The following ASB2 variants were observed in gnomAD, a reference collection of about 807,000 sequenced individuals.
ASB2 encodes the protein ankyrin repeat and SOCS box containing 2.
Under a neutral mutation model 62.4 loss-of-function variants are expected in ASB2, and 58 were observed. The observed-to-expected ratio is 0.93, with a 90% CI of 0.75 to 1.16. The LOEUF is 1.16. Among genes scored for constraint, ASB2 ranks in the 50% most tolerant of loss-of-function variants. The pLI is 0.00. For synonymous variants in ASB2, 386 were observed against 385.3 expected, an observed-to-expected ratio of 1.00 and a Z score of -0.02; for missense variants, 928 against 887.9, an observed-to-expected ratio of 1.05 and a Z score of -0.57.
intron 7 of ASB2, among the ~76,000 whole-genome samples, chr14:93,945,950 T>A (rs1449961611): frequency 6.6e-6 from 1 of 152,230 alleles, no homozygotes; most frequent in Non-Finnish European, 1.5e-5. Context: ...GTACATGAGA[T>A]GGGATTTTAA....
chr14:93,946,601 AC>A (rs1442994411), intron 7 of ASB2, among the ~76,000 whole-genome samples: 2 of 152,152 alleles, frequency 1.3e-5, no homozygotes, highest in African/African-American at 4.8e-5. Context: ...GCTCTAGCAC[AC>A]CTCTGCCTCT....
In ASB2 at chr14:93,944,200, T is replaced by G; in HGVS notation, c.1052+3149A>C. Reference sequence around the variant, plus strand: ...GTGCAGCCAAGGTTGGACACTACTGTTTTGGGTGCTATTCTTGGGGCATCT... The same window carrying G: ...GTGCAGCCAAGGTTGGACACTACTGGTTTGGGTGCTATTCTTGGGGCATCT... On this transcript the variant is annotated intron_variant, in intron 7 of 9. Coordinates refer to ENST00000555019, the MANE Select transcript of ASB2 (RefSeq NM_001202429.2). 3 of 336,706 alleles carry G rather than the reference T, an allele frequency of 8.9e-6. No homozygotes were observed. The East Asian group carries it at 2.3e-4, about 25-fold the overall frequency. The allele number at this position is 336,706 out of a possible 1,614,324, so 20.9% of individuals were successfully genotyped here.
intron 5 of ASB2, 134 bp downstream of exon 5, chr14:93,953,218 T>G: frequency 1.3e-6 from 1 of 753,076 alleles, no homozygotes. Flanking sequence ...GAATGAATGA[T>G]TCAGTTACAT....
In ASB2 at chr14:93,951,167, C is replaced by T. The variant is rs758888523; in HGVS notation, c.712G>A (p.Gly238Ser). ...NADTNHRCNR[G>S]WTALHESVSR... is the part of the protein sequence containing the mutation. ...ACAGACTCGTGCAGAGCGGTCCAGC[C>T]GCGGTTGCAGCGGTGGTTGGTGTCT... Residue 238 changes from glycine to serine, a missense_variant, in exon 6 of 10, where the codon GGC becomes AGC. Transcript: ENST00000555019. The T allele has an allele frequency of 4.3e-5, 70 of 1,613,884 alleles. No homozygotes were observed. The highest frequency in any genetic ancestry group is 5.5e-5 in the Non-Finnish European group (65 of 1,179,976).
chr14:93,938,958 G>A (rs988181311), intron 8 of ASB2, 150 bp downstream of exon 8: 1 of 698,084 alleles, frequency 1.4e-6, no homozygotes, highest in South Asian at 2.5e-5. Context: ...CTCCAAAGCT[G>A]GCCCCACTTC....
chr14:93,952,145 C>T (rs558487797), intron 5 of ASB2, among the ~76,000 whole-genome samples: 13 of 152,236 alleles, frequency 8.5e-5, no homozygotes, highest in African/African-American at 3.1e-4. Flanking sequence ...AAGCCTTCTA[C>T]CTCTCTAAGC....
At chr14:93,972,351 G>T (rs193105161) in intron 1 of ASB2, among the ~76,000 whole-genome samples, 33 of 152,248 alleles carry the variant, frequency 2.2e-4, no homozygotes, top group African/African-American at 7.7e-4. Context: ...TGGAGTGCTC[G>T]GAGGTGTAGG....
intron 5 of ASB2, among the ~76,000 whole-genome samples, chr14:93,952,157 T>C (rs1176513350): frequency 1.3e-5 from 2 of 152,244 alleles, no homozygotes; most frequent in African/African-American, 4.8e-5. Context: ...TCTCTAAGCC[T>C]TGACTTTCTC....
chr14:93,975,170 G>A (rs573819490), intron 1 of ASB2, among the ~76,000 whole-genome samples: 2 of 152,372 alleles, frequency 1.3e-5, no homozygotes, highest in South Asian at 2.1e-4. Flanking sequence ...CTCTGCCTGC[G>A]TCCCTCTGAG....
At chr14:93,964,642 C>T (rs555538623) in intron 1 of ASB2, 30 bp from the exon 2 acceptor site, 85 of 1,071,374 alleles carry the variant, frequency 7.9e-5, no homozygotes, top group African/African-American at 4.8e-4. Flanking sequence ...ATCCTGGTCA[C>T]GAACAGTTTT....
In ASB2 at chr14:93,965,758, G is replaced by A. The variant is rs1434062054; in HGVS notation, c.-73-1146C>T. On this transcript the variant is annotated intron_variant, in intron 1 of 9. Coordinates refer to ENST00000555019, the MANE Select transcript of ASB2 (RefSeq NM_001202429.2). ...GGCAGATCTTTCCCCACCCTTCCCT[G>A]TTGATATGGGTCTCAATATGCATGA... Among the ~76,000 whole-genome samples the A allele has an allele frequency of 3.3e-5, 5 of 152,198 alleles. No individual in the cohort carries two copies. In the East Asian group the frequency reaches 9.6e-4, roughly 29 times the overall value.
chr14:93,973,576 C>G (rs1889823115), intron 1 of ASB2, among the ~76,000 whole-genome samples: 1 of 152,222 alleles, frequency 6.6e-6, no homozygotes, highest in Non-Finnish European at 1.5e-5. Context: ...CCACAAAAGT[C>G]AAGCTTCCAG....
At chr14:93,943,650 AAAC>A (rs770947875) in intron 7 of ASB2, among the ~76,000 whole-genome samples, 8 of 152,102 alleles carry the variant, frequency 5.3e-5, no homozygotes, top group Non-Finnish European at 8.8e-5. Flanking sequence ...AAAAACAAAC[AAAC>A]AACAACAAAA....
intron 8 of ASB2, among the ~76,000 whole-genome samples, chr14:93,938,570 C>T (rs764729883): frequency 3.3e-5 from 5 of 152,150 alleles, no homozygotes; most frequent in Non-Finnish European, 5.9e-5. Flanking sequence ...ACAACATGGA[C>T]GTGTCCTGCC....
chr14:93,950,966 G>A (rs371341002), intron 6 of ASB2, 33 bp downstream of exon 6: 4 of 1,592,428 alleles, frequency 2.5e-6, no homozygotes, highest in Non-Finnish European at 3.4e-6. Flanking sequence ...GCCCTTTGGG[G>A]ACTCCATGAC....
chr14:93,939,637 G>T lies in ASB2; in HGVS notation c.1088C>A (p.Thr363Lys), dbSNP rs1365619654. 1.3e-6 allele frequency: 2 copies of T among 1,520,620 alleles called. No homozygotes were observed. Among genetic ancestry groups the T allele is most frequent in the Admixed American group, 2.1e-5 (1 of 48,304 alleles). 94.2% of individuals were successfully genotyped at this position (1,520,620 alleles called of 1,614,324 possible). ...ACTGACGCCGCTACGGCGTATGCGC[G>T]TGCGGCTGGTCACCGGCAGCAGCAT... ...VQMLLPVTSR[T>K]RIRRSGVSPL... Residue 363 changes from threonine (T) to lysine (K), a missense_variant, in exon 8 of 10, where the codon ACG becomes AAG. Physicochemically the swap from Thr to Lys is moderately conservative, Grantham distance 78 (BLOSUM62 -1). Coordinates refer to ENST00000555019, the MANE Select transcript of ASB2 (RefSeq NM_001202429.2).
At chr14:93,956,312 G>C (rs1433683791) in intron 3 of ASB2, among the ~76,000 whole-genome samples, 1 of 152,186 alleles carries the variant, frequency 6.6e-6, no homozygotes, top group Admixed American at 6.5e-5. Flanking sequence ...TGTGGGTGTG[G>C]GCATTTTGGA....
intron 1 of ASB2, among the ~76,000 whole-genome samples, chr14:93,974,650 A>T (rs1273214541): frequency 6.6e-6 from 1 of 152,220 alleles, no homozygotes; most frequent in East Asian, 1.9e-4. Flanking sequence ...TTGAATGTGG[A>T]CCTTGCAGAC....
At chr14:93,951,309 A>T (rs1226554116) in intron 5 of ASB2, 65 bp from the exon 6 acceptor site, 2 of 1,523,620 alleles carry the variant, frequency 1.3e-6, no homozygotes, top group African/African-American at 1.4e-5. Flanking sequence ...CAGAGACTGC[A>T]TTCATTCGCC....
Sources: gnomAD v4.1 joint callset for allele counts (sites outside exome capture counted in the v4.1 genomes callset) on GRCh38, gnomAD v4.1.1 for gene constraint, MANE v1.5 for transcripts, NCBI Gene and HGNC (gene_info 2026-07-23, HGNC 2026-07-21) for gene names.